ADGRL2: variants seen among roughly 807,000 people sequenced by gnomAD.
The protein encoded by ADGRL2 is calcium-independent alpha-latrotoxin receptor 2.
Under a neutral mutation model 157.4 loss-of-function variants are expected in ADGRL2, and 44 were observed. The observed-to-expected ratio is 0.28, with a 90% CI of 0.22 to 0.36. The LOEUF (loss-of-function observed/expected upper bound fraction) is 0.36, where lower values mean the gene tolerates loss of function less well. ADGRL2 is among the 10% of genes least tolerant of loss of function. The pLI is 1.00. For missense variants in ADGRL2, 1,510 were observed against 1,768.9 expected (o/e 0.85, Z 2.63); for synonymous variants, 585 against 624.7 (o/e 0.94, Z 0.95).
chr1:81,701,444 A>G (rs1014092054), intron 1 of ADGRL2, among the ~76,000 whole-genome samples: 2 of 152,168 alleles, frequency 1.3e-5, no homozygotes, highest in Admixed American at 6.6e-5. Flanking sequence ...CGAATCTAGT[A>G]TCTTGTAGTC....
intron 1 of ADGRL2, among the ~76,000 whole-genome samples, chr1:81,402,749 C>T (rs547968980): frequency 1.3e-5 from 2 of 152,182 alleles, no homozygotes; most frequent in Admixed American, 1.3e-4. Context: ...ACTGCACTGT[C>T]CACAGAGCAT....
chr1:81,623,752 C>T (rs543655770), intron 3 of ADGRL2, among the ~76,000 whole-genome samples: 62 of 151,434 alleles, frequency 4.1e-4, no homozygotes, highest in Non-Finnish European at 6.5e-4. Context: ...TTCTCCTGCC[C>T]CAGCCTCCTG....
intron 1 of ADGRL2, among the ~76,000 whole-genome samples, chr1:81,361,219 C>G (rs559127642): frequency 9.1e-4 from 139 of 151,996 alleles, no homozygotes; most frequent in African/African-American, 3.3e-3. Context: ...GAGTGGCGAT[C>G]CATTGATTTC....
At position 81,440,696 on chromosome 1, in the gene ADGRL2, C is replaced by T. The variant is rs546174652; in HGVS notation, c.-301-4340C>T. 1.3e-3 allele frequency among the ~76,000 whole-genome samples: 203 copies of T among 152,304 alleles called. 1 individual carries two copies. The highest frequency in any genetic ancestry group is 4.8e-3 in the African/African-American group (198 of 41,566). On this transcript the variant is annotated intron_variant, in intron 1 of 24. Coordinates refer to the ADGRL2 transcript ENST00000370721. ...CACCTAAATTCATTACCCCATCAAA[C>T]TAGTTCTTTCTTTTGACATCCGTAT...
At chr1:81,855,034 A>T (rs1238703592) in intron 2 of ADGRL2, among the ~76,000 whole-genome samples, 1 of 152,146 alleles carries the variant, frequency 6.6e-6, no homozygotes. Flanking sequence ...TGACTATTGA[A>T]AGCGTTGAGA....
chr1:81,574,947 T>C (rs906866893), intron 2 of ADGRL2, among the ~76,000 whole-genome samples: 1 of 152,244 alleles, frequency 6.6e-6, no homozygotes, highest in Admixed American at 6.5e-5. Flanking sequence ...CCTCTGTGTG[T>C]ACTTCCAGCT....
chr1:81,915,802 G>A (rs648392), intron 3 of ADGRL2, among the ~76,000 whole-genome samples: 8,041 of 152,160 alleles, frequency 0.053, 597 homozygotes, highest in African/African-American at 0.16. Context: ...ATCAATAGAC[G>A]TGAACGTGAA....
At position 81,654,756 on chromosome 1, in the gene ADGRL2, A is replaced by C. The variant is rs565744957; in HGVS notation, c.-143+73776A>C. Among the ~76,000 whole-genome samples the C allele has an allele frequency of 1.2e-4, 19 of 152,260 alleles. 1 individual carries two copies. In the South Asian group the frequency reaches 3.7e-3, roughly 30 times the overall value. ...TGTTAGCTCATTTAACTCTCACTGT[A>C]GTCTAAATCTATGAAGTAGATGGCT... On this transcript the variant is annotated intron_variant, in intron 3 of 24. Transcript: ENST00000370721.
intron 1 of ADGRL2, among the ~76,000 whole-genome samples, chr1:81,315,735 G>A (rs566120803): frequency 6.6e-6 from 1 of 150,956 alleles, no homozygotes; most frequent in South Asian, 2.1e-4. Context: ...GAATAGATAA[G>A]TTCAAAATAA....
At chr1:81,311,613 G>T (rs1018230899) in intron 1 of ADGRL2, among the ~76,000 whole-genome samples, 1 of 152,026 alleles carries the variant, frequency 6.6e-6, no homozygotes, top group Non-Finnish European at 1.5e-5. Context: ...TTTAAAATTT[G>T]TTTCAGGAGG....
At chr1:81,866,564 A>G (rs889195737) in intron 2 of ADGRL2, among the ~76,000 whole-genome samples, 4 of 152,164 alleles carry the variant, frequency 2.6e-5, no homozygotes, top group African/African-American at 9.6e-5. Flanking sequence ...AAGAATGTTT[A>G]AAATAAATAA....
chr1:81,435,724 A>G (rs1472068585), intron 1 of ADGRL2, among the ~76,000 whole-genome samples: 2 of 152,220 alleles, frequency 1.3e-5, no homozygotes, highest in Non-Finnish European at 2.9e-5. Flanking sequence ...AAACTGTTGA[A>G]TAATATTTCT....
chr1:81,658,168 T>C (rs2082575503), intron 3 of ADGRL2, among the ~76,000 whole-genome samples: 1 of 152,218 alleles, frequency 6.6e-6, no homozygotes, highest in Non-Finnish European at 1.5e-5. Context: ...CAGTCTTGGC[T>C]CACTGCAACC....
chr1:81,520,114 C>A (rs1031916676), intron 2 of ADGRL2, among the ~76,000 whole-genome samples: 1 of 152,146 alleles, frequency 6.6e-6, no homozygotes, highest in African/African-American at 2.4e-5. Flanking sequence ...GGATTAGAAG[C>A]AAATGATGAG....
At chr1:81,638,242 G>A (rs1413040404) in intron 3 of ADGRL2, among the ~76,000 whole-genome samples, 1 of 152,070 alleles carries the variant, frequency 6.6e-6, no homozygotes, top group African/African-American at 2.4e-5. Flanking sequence ...AACAATAATA[G>A]AAGGAAATTG....
At chr1:81,406,768 T>C (rs987290086) in intron 1 of ADGRL2, among the ~76,000 whole-genome samples, 1 of 152,084 alleles carries the variant, frequency 6.6e-6, no homozygotes, top group Non-Finnish European at 1.5e-5. Context: ...AAAGCACAAC[T>C]CTGCTCCCCA....
intron 3 of ADGRL2, among the ~76,000 whole-genome samples, chr1:81,655,182 A>G (rs1301086059): frequency 1.3e-5 from 2 of 152,146 alleles, no homozygotes; most frequent in African/African-American, 2.4e-5. Flanking sequence ...TTCTATTTTT[A>G]GTAGAGACGG....
intron 2 of ADGRL2, among the ~76,000 whole-genome samples, chr1:81,794,445 A>G (rs1398837287): frequency 6.6e-6 from 1 of 152,182 alleles, no homozygotes; most frequent in African/African-American, 2.4e-5. Context: ...TTCGAAGAAT[A>G]TATTATCCAG....
At chr1:81,473,783 T>TG (rs2078219612) in intron 2 of ADGRL2, among the ~76,000 whole-genome samples, 1 of 134,468 alleles carries the variant, frequency 7.4e-6, no homozygotes, top group Non-Finnish European at 1.7e-5. Flanking sequence ...GGATGTGAGG[T>TG]TTTTTTTTTT....
Sources: gnomAD v4.1 joint callset for allele counts (sites outside exome capture counted in the v4.1 genomes callset) on GRCh38, gnomAD v4.1.1 for gene constraint, MANE v1.5 for transcripts, NCBI Gene and HGNC (gene_info 2026-07-23, HGNC 2026-07-21) for gene names.